HTR7: variants seen among roughly 807,000 people sequenced by gnomAD.
HTR7 encodes 5-hydroxytryptamine receptor 7, also known as 5-HT-7.
Under a neutral mutation model 34.0 loss-of-function variants are expected in HTR7, and 16 were observed. The ratio of observed to expected loss-of-function variants is 0.47; its 90% confidence interval spans 0.32 to 0.71. The LOEUF is 0.71. Among genes scored for constraint, HTR7 ranks in the 30% least tolerant of loss-of-function variants. The pLI is 0.04. For missense variants in HTR7, 504 were observed against 625.5 expected, an observed-to-expected ratio of 0.81 and a Z score of 2.07; for synonymous variants, 265 against 260.2, an observed-to-expected ratio of 1.02 and a Z score of -0.18.
chr10:90,785,676 C>T (rs992643224), intron 1 of HTR7, among the ~76,000 whole-genome samples: 16 of 152,148 alleles, frequency 1.1e-4, no homozygotes, highest in African/African-American at 3.6e-4. Context: ...CAGTACTGAG[C>T]GTCCAGAACT....
intron 1 of HTR7, among the ~76,000 whole-genome samples, chr10:90,766,084 C>T (rs774135982): frequency 2.1e-4 from 32 of 152,072 alleles, no homozygotes; most frequent in Non-Finnish European, 4.0e-4. Context: ...TGATATTATG[C>T]TTGGATGATT....
intron 1 of HTR7, among the ~76,000 whole-genome samples, chr10:90,754,808 G>A (rs955891459): frequency 3.3e-5 from 5 of 152,166 alleles, no homozygotes; most frequent in African/African-American, 1.2e-4. Context: ...ATAATTTAGG[G>A]AGTAAAAGAA....
At chr10:90,817,400 T>C (rs1253061744) in intron 1 of HTR7, among the ~76,000 whole-genome samples, 1 of 152,172 alleles carries the variant, frequency 6.6e-6, no homozygotes, top group African/African-American at 2.4e-5. Flanking sequence ...TTAAACATGC[T>C]TTCACCCCTC....
chr10:90,746,261 T>C (rs1270083142), intron 2 of HTR7, among the ~76,000 whole-genome samples: 1 of 152,256 alleles, frequency 6.6e-6, no homozygotes, highest in Non-Finnish European at 1.5e-5. Context: ...ACGCATGTTA[T>C]TATTTTAAAC....
chr10:90,821,244 G>A (rs1845976179), intron 1 of HTR7, among the ~76,000 whole-genome samples: 1 of 152,134 alleles, frequency 6.6e-6, no homozygotes, highest in African/African-American at 2.4e-5. Context: ...AAGAGGGTAG[G>A]AAAGACAATC....
intron 1 of HTR7, among the ~76,000 whole-genome samples, chr10:90,850,657 A>G (rs2120123185): frequency 6.6e-6 from 1 of 152,318 alleles, no homozygotes; most frequent in East Asian, 1.9e-4. Context: ...TTAGATGAAA[A>G]GGTAGAGAAT....
chr10:90,850,791 CAATT>C (rs1254026962), intron 1 of HTR7, among the ~76,000 whole-genome samples: 2 of 152,038 alleles, frequency 1.3e-5, no homozygotes, highest in Non-Finnish European at 2.9e-5. Context: ...GTAGAAGAGA[CAATT>C]AACAAATTGG....
chr10:90,793,542 A>AG (rs1845492354), intron 1 of HTR7, among the ~76,000 whole-genome samples: 1 of 150,446 alleles, frequency 6.6e-6, no homozygotes, highest in African/African-American at 2.5e-5. Flanking sequence ...AGCTCAAAAA[A>AG]AAAAAAAAAG....
At chr10:90,775,551 T>C (rs1845193161) in intron 1 of HTR7, among the ~76,000 whole-genome samples, 1 of 152,154 alleles carries the variant, frequency 6.6e-6, no homozygotes, top group Non-Finnish European at 1.5e-5. Flanking sequence ...CATTCCAAAG[T>C]GGTCAGAAGC....
intron 1 of HTR7, among the ~76,000 whole-genome samples, chr10:90,813,307 A>T (rs1845846777): frequency 6.6e-6 from 1 of 152,132 alleles, no homozygotes; most frequent in East Asian, 1.9e-4. Context: ...CGATCACCTG[A>T]GGTCAGGAGG....
chr10:90,822,838 T>C (rs1360203468), intron 1 of HTR7, among the ~76,000 whole-genome samples: 1 of 152,152 alleles, frequency 6.6e-6, no homozygotes, highest in Non-Finnish European at 1.5e-5. Context: ...GCTCCAGCCA[T>C]GGAGCCACAT....
chr10:90,805,352 A>G (rs976994208), intron 1 of HTR7, among the ~76,000 whole-genome samples: 1 of 152,238 alleles, frequency 6.6e-6, no homozygotes, highest in African/African-American at 2.4e-5. Flanking sequence ...AAGAACACCT[A>G]TTAAATTAAA....
At chr10:90,796,816 G>A (rs890972230) in intron 1 of HTR7, among the ~76,000 whole-genome samples, 18 of 152,070 alleles carry the variant, frequency 1.2e-4, no homozygotes, top group South Asian at 8.3e-4. Context: ...AGACTATCCC[G>A]GCTAACACAG....
intron 1 of HTR7, among the ~76,000 whole-genome samples, chr10:90,794,197 G>A (rs530279282): frequency 6.6e-6 from 1 of 152,152 alleles, no homozygotes; most frequent in Non-Finnish European, 1.5e-5. Flanking sequence ...CACAGGGTCA[G>A]GATCATCAAT....
Position 90,749,503 on chromosome 10 carries a change from C to G in HTR7, c.631G>C (p.Ala211Pro). Residue 211 changes from alanine to proline, a missense_variant, in exon 2 of 4, where the codon GCC (alanine) becomes CCC (proline). Around this residue, in one of 4 missense-constraint regions of HTR7, gnomAD observed 154 missense variants for 248.8 expected, o/e 0.62. Transcript: ENST00000336152. This position sits in a 1 kb window ranked among gnomAD's most constrained non-coding sequence, Gnocchi z 4.2. ...KMILSVWLLS[A>P]SITLPPLFGW... is the part of the protein sequence containing the mutation. ...AAGAGTGGAGGTAAGGTGATGGAGG[C>G]GGAGAGAAGCCAGACGGAGAGAATC... The G allele has an allele frequency of 6.2e-7, 1 of 1,614,070 alleles. No individual in the cohort carries two copies. Among genetic ancestry groups the G allele is most frequent in the Non-Finnish European group, 8.5e-7 (1 of 1,180,002 alleles).
chr10:90,826,778 A>G (rs1212054492), intron 1 of HTR7, among the ~76,000 whole-genome samples: 1 of 151,990 alleles, frequency 6.6e-6, no homozygotes, highest in Non-Finnish European at 1.5e-5. Context: ...TCTACTAAAA[A>G]TACAAAAAAT....
chr10:90,771,897 A>G (rs1424306014), intron 1 of HTR7, among the ~76,000 whole-genome samples: 1 of 152,202 alleles, frequency 6.6e-6, no homozygotes, highest in Non-Finnish European at 1.5e-5. Context: ...AAAATCCTAT[A>G]ACAAAATGAG....
At chr10:90,815,470 T>G in intron 1 of HTR7, among the ~76,000 whole-genome samples, 1 of 152,210 alleles carries the variant, frequency 6.6e-6, no homozygotes, top group South Asian at 2.1e-4. Flanking sequence ...GGGAGAGGTT[T>G]CCCCTACCTA....
At chr10:90,747,596 G>A (rs1315636184) in intron 2 of HTR7, among the ~76,000 whole-genome samples, 1 of 152,186 alleles carries the variant, frequency 6.6e-6, no homozygotes, top group Non-Finnish European at 1.5e-5. Context: ...GGATTCAGAT[G>A]ATGTGGAATC....
Sources: gnomAD v4.1 joint callset for allele counts (sites outside exome capture counted in the v4.1 genomes callset) on GRCh38, gnomAD v4.1.1 for gene constraint, gnomAD v4.1.1 regional missense constraint, Gnocchi (gnomAD v3.1) non-coding constraint, MANE v1.5 for transcripts, NCBI Gene and HGNC (gene_info 2026-07-23, HGNC 2026-07-21) for gene names.